DMD: variants seen among roughly 807,000 people sequenced by gnomAD.
DMD encodes mutant dystrophin.
DMD carries 63 observed loss-of-function variants against 330.1 expected under a neutral mutation model. That is an observed-to-expected ratio of 0.19 (90% CI 0.16 to 0.24). The LOEUF (loss-of-function observed/expected upper bound fraction) is 0.24, where lower values mean the gene tolerates loss of function less well. Among genes scored for constraint, DMD ranks in the 10% least tolerant of loss-of-function variants. The pLI, the probability that DMD is intolerant of heterozygous loss-of-function variation, is 1.00. For synonymous variants in DMD, 1,223 were observed against 959.8 expected, an observed-to-expected ratio of 1.27 and a Z score of -5.07; for missense variants, 3,344 against 2,684.1, an observed-to-expected ratio of 1.25 and a Z score of -5.43.
chrX:32,891,848 T>TTGA (rs1276517897), intron 2 of DMD, among the ~76,000 whole-genome samples: 1 of 111,695 alleles, frequency 9.0e-6, no homozygotes, highest in Admixed American at 9.5e-5. Flanking sequence ...ATAGTCTGAT[T>TTGA]TGAGGTTCCT....
At chrX:32,642,868 C>T (rs1367535521) in intron 11 of DMD, among the ~76,000 whole-genome samples, 1 of 111,157 alleles carries the variant, frequency 9.0e-6, no homozygotes, top group African/African-American at 3.3e-5. Flanking sequence ...ATGGCAAGGA[C>T]AGTAAAGAGG....
chrX:32,833,438 G>C (rs1436741191), intron 4 of DMD, among the ~76,000 whole-genome samples: 1 of 110,380 alleles, frequency 9.1e-6, no homozygotes, highest in African/African-American at 3.3e-5. Context: ...TGGGAAAGTA[G>C]CTCTTTTAAC....
intron 55 of DMD, among the ~76,000 whole-genome samples, chrX:31,566,119 T>A (rs1805305734): frequency 1.8e-5 from 2 of 111,922 alleles, no homozygotes; most frequent in Admixed American, 1.9e-4. Flanking sequence ...TAAATCTTGA[T>A]GCAGTCCAAC....
chrX:32,783,350 G>GTA (rs201241741), intron 7 of DMD, among the ~76,000 whole-genome samples: 62 of 96,845 alleles, frequency 6.4e-4, no homozygotes, highest in African/African-American at 1.7e-3. Context: ...CACATATATG[G>GTA]TATATATATA....
chrX:32,727,670 G>T (rs757547835), intron 7 of DMD, among the ~76,000 whole-genome samples: 2 of 110,755 alleles, frequency 1.8e-5, no homozygotes, highest in South Asian at 7.4e-4. Flanking sequence ...AACAACAAAT[G>T]TGTTAAAAGT....
chrX:31,193,435 C>A (rs949541185), intron 67 of DMD, among the ~76,000 whole-genome samples: 1 of 111,419 alleles, frequency 9.0e-6, no homozygotes, highest in Non-Finnish European at 1.9e-5. Context: ...CATGAATAGA[C>A]GGGGGAGAGG....
intron 74 of DMD, among the ~76,000 whole-genome samples, chrX:31,147,801 T>A (rs12849390): frequency 4.9e-3 from 539 of 111,000 alleles, no homozygotes; most frequent in Non-Finnish European, 7.8e-3. Context: ...TCGCGACTGG[T>A]ATGTTCAGAT....
chrX:32,741,250 CT>C (rs1463423590), intron 7 of DMD, among the ~76,000 whole-genome samples: 2 of 111,393 alleles, frequency 1.8e-5, no homozygotes, highest in African/African-American at 6.5e-5. Context: ...AGAATCATGA[CT>C]CTTTGAGAGG....
intron 1 of DMD, among the ~76,000 whole-genome samples, chrX:33,204,554 G>A (rs2051456634): frequency 9.0e-6 from 1 of 110,917 alleles, no homozygotes; most frequent in Non-Finnish European, 1.9e-5. Flanking sequence ...TACAATGTGT[G>A]CTTTATTCTA....
intron 19 of DMD, among the ~76,000 whole-genome samples, chrX:32,499,565 A>G (rs970342530): frequency 8.9e-6 from 1 of 111,866 alleles, no homozygotes; most frequent in Non-Finnish European, 1.9e-5. Flanking sequence ...CAAAAAGGGC[A>G]AGAATGTATG....
At chrX:32,109,682 A>G (rs749832364) in intron 44 of DMD, among the ~76,000 whole-genome samples, 5 of 110,382 alleles carry the variant, frequency 4.5e-5, no homozygotes, top group Non-Finnish European at 9.5e-5. Context: ...CTTCTATTGA[A>G]TTTTCCTCTC....
chrX:31,570,659 G>A (rs1215197934), intron 55 of DMD, among the ~76,000 whole-genome samples: 9 of 100,989 alleles, frequency 8.9e-5, no homozygotes, highest in African/African-American at 2.6e-4. Flanking sequence ...TTCCCTTTTC[G>A]GGCCAGTATA....
intron 9 of DMD, among the ~76,000 whole-genome samples, chrX:32,658,076 G>C (rs978412143): frequency 9.0e-6 from 1 of 111,685 alleles, no homozygotes. Flanking sequence ...GTAGTCCATA[G>C]AGTTTGTAAT....
At chrX:32,740,164 A>G (rs952020480) in intron 7 of DMD, among the ~76,000 whole-genome samples, 70 of 109,752 alleles carry the variant, frequency 6.4e-4, no homozygotes, top group African/African-American at 2.2e-3. Flanking sequence ...TAAAGTTTAT[A>G]TTGAGATGAC....
At chrX:32,582,610 G>T (rs2053770430) in intron 13 of DMD, among the ~76,000 whole-genome samples, 1 of 111,290 alleles carries the variant, frequency 9.0e-6, no homozygotes, top group African/African-American at 3.3e-5. Context: ...TGGGGGCAGG[G>T]TTCACAAGCT....
intron 1 of DMD, among the ~76,000 whole-genome samples, chrX:33,261,895 G>A (rs950801157): frequency 9.3e-6 from 1 of 107,400 alleles, no homozygotes; most frequent in Non-Finnish European, 1.9e-5. Flanking sequence ...AGAAATCTGT[G>A]AATAAATAAA....
chrX:31,508,959 T>TATTG, intron 55 of DMD, among the ~76,000 whole-genome samples: 1 of 111,566 alleles, frequency 9.0e-6, no homozygotes, highest in South Asian at 3.8e-4. Context: ...AATGAATGTC[T>TATTG]ATTGTCACTA....
chrX:32,764,099 T>G (rs978513691), intron 7 of DMD, among the ~76,000 whole-genome samples: 3 of 98,892 alleles, frequency 3.0e-5, no homozygotes, highest in African/African-American at 4.7e-5. Flanking sequence ...AAGTTGAGGT[T>G]TTTTTTTTTT....
intron 2 of DMD, among the ~76,000 whole-genome samples, chrX:32,908,531 G>A (rs899019565): frequency 8.9e-6 from 1 of 111,982 alleles, no homozygotes; most frequent in Admixed American, 9.5e-5. Context: ...GAGAGATCCT[G>A]TATCGTCATA....
Sources: allele counts gnomAD v4.1 joint callset (sites outside exome capture counted in the v4.1 genomes callset), GRCh38; gene constraint gnomAD v4.1.1; transcripts MANE v1.5; gene names NCBI Gene and HGNC (gene_info 2026-07-23, HGNC 2026-07-21).